Variants in ANKRD12 observed in about 807,000 individuals in gnomAD.
ANKRD12 encodes ankyrin repeat domain-containing protein 12.
In ANKRD12, 85 loss-of-function variants were observed where a neutral mutation model predicts 183.4. The ratio of observed to expected loss-of-function variants is 0.46; its 90% CI spans 0.39 to 0.56. The LOEUF (loss-of-function observed/expected upper bound fraction) is 0.56, where lower values mean the gene tolerates loss of function less well. Ranked by LOEUF, ANKRD12 falls within the 20% of genes least tolerant of loss-of-function variation. The pLI, the probability that ANKRD12 is intolerant of heterozygous loss-of-function variation, is 0.00. For missense variants in ANKRD12, 2,405 were observed against 2,357.1 expected (o/e 1.02, Z -0.42); for synonymous variants, 914 against 800.2 (o/e 1.14, Z -2.40).
intron 8 of ANKRD12, among the ~76,000 whole-genome samples, chr18:9,240,555 A>T (rs927784748): frequency 5.3e-5 from 8 of 152,228 alleles, no homozygotes; most frequent in African/African-American, 1.9e-4. Flanking sequence ...AGGTTTTGTT[A>T]ACAACTTTGC....
intron 1 of ANKRD12, among the ~76,000 whole-genome samples, chr18:9,164,020 T>C (rs1220781117): frequency 6.6e-6 from 1 of 152,186 alleles, no homozygotes; most frequent in African/African-American, 2.4e-5. Flanking sequence ...TGCCTTTATT[T>C]CTTTCTCTTG....
Position 9,283,726 on chromosome 18 carries a change from G to C in ANKRD12, c.*2600G>C, listed in dbSNP as rs2040170998. 1 of 152,518 alleles carries C rather than the reference G, an allele frequency of 6.6e-6. No homozygotes were observed. Among genetic ancestry groups the C allele is most frequent in the Non-Finnish European group, 1.5e-5 (1 of 68,012 alleles). 9.4% of individuals were successfully genotyped at this position (152,518 alleles called of 1,614,324 possible). A position where few individuals can be genotyped will look rare whatever the true frequency, so the allele number is the denominator to read the frequency against. On this transcript the variant is annotated 3_prime_UTR_variant, in exon 13 of 13. Transcript: ENST00000262126. ...TGTTTAATGACTAGTTGATATTTGT[G>C]CATGTTATTTAATAAAGAGTTATAT...
intron 1 of ANKRD12, among the ~76,000 whole-genome samples, chr18:9,167,920 A>G (rs531491335): frequency 8.5e-5 from 13 of 152,178 alleles, no homozygotes; most frequent in African/African-American, 3.1e-4. Context: ...GAGAGTTTTT[A>G]GCATGAAGGG....
chr18:9,220,601 G>C (rs1388243085), intron 7 of ANKRD12, among the ~76,000 whole-genome samples: 1 of 152,194 alleles, frequency 6.6e-6, no homozygotes. Flanking sequence ...AAAGATAATA[G>C]TACAGGTTTA....
intron 3 of ANKRD12, among the ~76,000 whole-genome samples, chr18:9,196,148 CACAT>C (rs1236414913): frequency 1.3e-4 from 16 of 120,836 alleles, no homozygotes; most frequent in Middle Eastern, 5.0e-3. Context: ...CACACACACA[CACAT>C]TGAGGCTAAC....
chr18:9,253,851 T>TC (rs1465886256), intron 8 of ANKRD12, among the ~76,000 whole-genome samples: 7 of 152,186 alleles, frequency 4.6e-5, no homozygotes, highest in Non-Finnish European at 7.3e-5. Flanking sequence ...GATTCAGCAA[T>TC]CCAACTGCTG....
chr18:9,225,204 G>A (rs1395274684), intron 8 of ANKRD12, among the ~76,000 whole-genome samples: 1 of 49,586 alleles, frequency 2.0e-5, no homozygotes, highest in African/African-American at 4.9e-5. Context: ...CAGGCACAGT[G>A]ACTTATGCCT....
chr18:9,170,416 T>C (rs2032584352), intron 1 of ANKRD12, among the ~76,000 whole-genome samples: 1 of 152,202 alleles, frequency 6.6e-6, no homozygotes, highest in Non-Finnish European at 1.5e-5. Flanking sequence ...TTGTTTCTTT[T>C]TATTCTTTTT....
intron 2 of ANKRD12, among the ~76,000 whole-genome samples, chr18:9,186,487 C>T (rs1274662594): frequency 4.6e-5 from 7 of 152,130 alleles, no homozygotes; most frequent in Non-Finnish European, 8.8e-5. Context: ...GCAACATGCG[C>T]TGTACTTAAA....
intron 11 of ANKRD12, among the ~76,000 whole-genome samples, chr18:9,278,161 T>G (rs1333196724): frequency 6.6e-6 from 1 of 152,208 alleles, no homozygotes; most frequent in Admixed American, 6.5e-5. Context: ...CTAAAAACAT[T>G]TCTGCATTTT....
chr18:9,202,552 T>C (rs188702910), intron 3 of ANKRD12, among the ~76,000 whole-genome samples: 51 of 152,328 alleles, frequency 3.3e-4, no homozygotes, highest in African/African-American at 1.2e-3. Flanking sequence ...TTTTGGTATT[T>C]TTCTCTTATT....
intron 3 of ANKRD12, among the ~76,000 whole-genome samples, chr18:9,198,723 T>C (rs1293059489): frequency 1.3e-5 from 2 of 152,026 alleles, no homozygotes; most frequent in Admixed American, 1.3e-4. Flanking sequence ...CTAATTTTCA[T>C]ATTTTTAGTA....
intron 3 of ANKRD12, among the ~76,000 whole-genome samples, chr18:9,197,325 C>T (rs1567905373): frequency 6.6e-6 from 1 of 152,186 alleles, no homozygotes; most frequent in Non-Finnish European, 1.5e-5. Context: ...TATCGCAGCT[C>T]TCTATAAGAC....
chr18:9,195,733 C>A, intron 3 of ANKRD12, 35 bp downstream of exon 3: 1 of 1,589,420 alleles, frequency 6.3e-7, no homozygotes, highest in Non-Finnish European at 8.6e-7. Context: ...TAAAATCTTG[C>A]CCATTCTTTA....
intron 1 of ANKRD12, among the ~76,000 whole-genome samples, chr18:9,147,303 A>C (rs1464066249): frequency 6.6e-6 from 1 of 152,198 alleles, no homozygotes; most frequent in Non-Finnish European, 1.5e-5. Flanking sequence ...AAGCAGTAAA[A>C]GTGAGATAGG....
intron 1 of ANKRD12, among the ~76,000 whole-genome samples, chr18:9,156,137 CAAAAAAAAAA>C (rs34154495): frequency 6.7e-5 from 7 of 104,122 alleles, no homozygotes; most frequent in Admixed American, 5.7e-4. Flanking sequence ...GACTCTGTCT[CAAAAAAAAAA>C]AAAAAAAAGA....
chr18:9,264,739 T>G (rs1355552791), intron 10 of ANKRD12, among the ~76,000 whole-genome samples: 1 of 151,748 alleles, frequency 6.6e-6, no homozygotes. Flanking sequence ...TCAGGTAATA[T>G]AACACACATC....
chr18:9,144,009 C>T (rs1426738068), intron 1 of ANKRD12, among the ~76,000 whole-genome samples: 1 of 152,122 alleles, frequency 6.6e-6, no homozygotes, highest in Non-Finnish European at 1.5e-5. Context: ...ACTTACATAC[C>T]TATATTTGTG....
At chr18:9,211,520 A>G in intron 5 of ANKRD12, 64 bp from the exon 6 acceptor site, 1 of 1,421,270 alleles carries the variant, frequency 7.0e-7, no homozygotes, top group Middle Eastern at 1.8e-4. Context: ...ACCAATAAAA[A>G]CATTTAAATA....
Sources: gnomAD v4.1 joint callset for allele counts (sites outside exome capture counted in the v4.1 genomes callset) on GRCh38, gnomAD v4.1.1 for gene constraint, MANE v1.5 for transcripts, NCBI Gene and HGNC (gene_info 2026-07-23, HGNC 2026-07-21) for gene names.